Variants in CCDC7 observed in about 807,000 individuals in gnomAD.
CCDC7 encodes the protein coiled-coil domain-containing protein 7.
In CCDC7, 183 loss-of-function variants were observed where a neutral mutation model predicts 196.9. The observed-to-expected ratio is 0.93, with a 90% confidence interval of 0.82 to 1.05. The LOEUF (loss-of-function observed/expected upper bound fraction) is 1.05, where lower values mean the gene tolerates loss of function less well. Among genes scored for constraint, CCDC7 ranks in the 50% least tolerant of loss-of-function variants. The probability of loss-of-function intolerance (pLI) is 0.00; values close to 1 mark genes in which losing one functional copy is unlikely to be tolerated. For missense variants in CCDC7, 1,540 were observed against 1,482.2 expected (o/e 1.04, Z -0.64); for synonymous variants, 525 against 484.6 (o/e 1.08, Z -1.10).
chr10:32,572,793 A>G (rs893426040), intron 16 of CCDC7, among the ~76,000 whole-genome samples: 4 of 151,776 alleles, frequency 2.6e-5, no homozygotes, highest in Non-Finnish European at 4.4e-5. Context: ...AAAAGTATTA[A>G]TAATTATCTT....
chr10:32,444,016 C>T (rs975478414), upstream of CCDC7, among the ~76,000 whole-genome samples: 2 of 152,082 alleles, frequency 1.3e-5, no homozygotes, highest in African/African-American at 4.8e-5. Context: ...TTGTAGATGT[C>T]TGGAAATTGT....
At chr10:32,711,782 G>T (rs1413825807) in intron 25 of CCDC7, 52 bp downstream of exon 26, 2 of 1,160,020 alleles carry the variant, frequency 1.7e-6, no homozygotes, top group East Asian at 2.9e-5. Flanking sequence ...AATCTCAAAA[G>T]AACTTTTTTC....
intron 11 of CCDC7, among the ~76,000 whole-genome samples, chr10:32,539,064 G>A (rs1035482816): frequency 1.3e-5 from 2 of 151,960 alleles, no homozygotes; most frequent in Admixed American, 6.6e-5. Flanking sequence ...GAATTTAGTA[G>A]CAATCATTTA....
exon 3 of CCDC7, chr10:32,456,333 A>G (rs747840685): frequency 2.2e-5 from 34 of 1,570,848 alleles, no homozygotes; most frequent in African/African-American, 2.7e-5. Flanking sequence ...GAAGAACAAA[A>G]TGTATGTATT....
intron 18 of CCDC7, among the ~76,000 whole-genome samples, chr10:32,598,479 C>G (rs1290059942): frequency 2.0e-5 from 3 of 152,012 alleles, no homozygotes; most frequent in Non-Finnish European, 4.4e-5. Flanking sequence ...CTGCCCTGCT[C>G]CGTGGGCTGC....
chr10:32,573,581 G>A (rs1272231325), intron 16 of CCDC7, among the ~76,000 whole-genome samples: 4 of 152,066 alleles, frequency 2.6e-5, no homozygotes. Flanking sequence ...TTTCTGATAA[G>A]TCACATTTTA....
chr10:32,815,171 T>G (rs963938479), intron 31 of CCDC7, among the ~76,000 whole-genome samples: 2 of 152,116 alleles, frequency 1.3e-5, no homozygotes, highest in Admixed American at 1.3e-4. Flanking sequence ...TTGTCCATAT[T>G]TTAGCAAAAA....
chr10:32,820,607 C>G (rs1315677787), intron 31 of CCDC7, among the ~76,000 whole-genome samples: 1 of 152,092 alleles, frequency 6.6e-6, no homozygotes, highest in African/African-American at 2.4e-5. Flanking sequence ...GGTACTGGTA[C>G]CAAAACAGAG....
At chr10:32,565,352 T>C (rs2056603222) in intron 13 of CCDC7, among the ~76,000 whole-genome samples, 1 of 152,192 alleles carries the variant, frequency 6.6e-6, no homozygotes, top group Non-Finnish European at 1.5e-5. Flanking sequence ...ATTTCCCCGA[T>C]TCATGCTCAA....
rs569132793 is a variant in CCDC7, at chr10:32,593,782, C to T, written c.1801+9478C>T. Among the ~76,000 whole-genome samples the T allele has an allele frequency of 1.9e-4, 29 of 152,224 alleles. No homozygotes were observed. In the South Asian group the frequency reaches 5.0e-3, roughly 26 times the overall value. ...TTCTACGTATGGCTAGCCAGTTTTC[C>T]GAGCACCATTTATTAAATAGGGAAT... On this transcript the variant is annotated intron_variant, in intron 18 of 41. Transcript: ENST00000639629.
intron 11 of CCDC7, among the ~76,000 whole-genome samples, chr10:32,528,749 C>A (rs2049138503): frequency 7.0e-6 from 1 of 142,510 alleles, no homozygotes; most frequent in Admixed American, 7.1e-5. Flanking sequence ...TGTATATATA[C>A]ATATATACGT....
chr10:32,516,736 C>T (rs755837148), intron 9 of CCDC7, among the ~76,000 whole-genome samples: 28 of 152,194 alleles, frequency 1.8e-4, no homozygotes, highest in Admixed American at 5.9e-4. Flanking sequence ...AATTATGTAT[C>T]TGCTTTGGAA....
rs539190925 is a variant in CCDC7 at position 32,521,944 on chromosome 10, G to A, written c.993+3439G>A. Among the ~76,000 whole-genome samples the A allele has an allele frequency of 4.6e-5, 7 of 152,192 alleles. No homozygotes were observed. In the South Asian group the frequency reaches 6.2e-4, roughly 13 times the overall value. On this transcript the variant is annotated intron_variant, in intron 11 of 41. Transcript: ENST00000639629. The stretch of plus-strand genomic sequence containing the variant: ...GAACTTTATCAAATGCCTTTTCAGC[G>A]TCAATTGAAATGATCACATGGTTTT...
Position 32,737,948 on chromosome 10 carries a change from C to CA in CCDC7, c.2905+8492dup, listed in dbSNP as rs571977417. 1.4e-3 allele frequency among the ~76,000 whole-genome samples: 220 copies of CA among 152,222 alleles called. 1 individual carries two copies. The highest frequency in any genetic ancestry group is 5.1e-3 in the African/African-American group (212 of 41,536). On this transcript the variant is annotated intron_variant, in intron 28 of 41. Transcript: ENST00000639629. ...CAATTTCTGGTAGACACCATATAGTCAGATTTTTTTATTCACCTACTCTGA... is the reference window on the plus strand; with the variant it reads ...CAATTTCTGGTAGACACCATATAGTCAAGATTTTTTTATTCACCTACTCTGA...
chr10:32,643,865 AAATT>A (rs1436078681), intron 20 of CCDC7, among the ~76,000 whole-genome samples: 1 of 149,150 alleles, frequency 6.7e-6, no homozygotes, highest in East Asian at 1.9e-4. Flanking sequence ...ATTATTTTGA[AAATT>A]AATTTTCAAA....
At chr10:32,878,542 A>C (rs531365229), downstream of CCDC7, among the ~76,000 whole-genome samples, 5 of 152,176 alleles carry the variant, frequency 3.3e-5, no homozygotes, top group African/African-American at 1.2e-4. Flanking sequence ...CAATGACTCT[A>C]ATTAGCTCAA....
chr10:32,602,982 G>C (rs1367605081), intron 18 of CCDC7, among the ~76,000 whole-genome samples: 1 of 151,948 alleles, frequency 6.6e-6, no homozygotes, highest in Admixed American at 6.6e-5. Context: ...TATTTTATGG[G>C]CTATTTTGAA....
downstream of CCDC7, among the ~76,000 whole-genome samples, chr10:32,880,541 A>C (rs1205600427): frequency 1.3e-5 from 2 of 152,126 alleles, no homozygotes; most frequent in Non-Finnish European, 2.9e-5. Context: ...GAAGCTCCTT[A>C]GTTTAATTAG....
chr10:32,830,744 CT>C (rs1209128377), intron 32 of CCDC7, among the ~76,000 whole-genome samples: 2 of 151,936 alleles, frequency 1.3e-5, no homozygotes, highest in African/African-American at 4.8e-5. Context: ...AAGAAATAAT[CT>C]GTAAATTTAA....
Sources: allele counts gnomAD v4.1 joint callset (sites outside exome capture counted in the v4.1 genomes callset), GRCh38; gene constraint gnomAD v4.1.1; transcripts MANE v1.5; gene names NCBI Gene and HGNC (gene_info 2026-07-23, HGNC 2026-07-21).